VPS50: variants seen among roughly 807,000 people sequenced by gnomAD.
The protein encoded by VPS50 is syndetin.
In VPS50, 70 loss-of-function variants were observed where a neutral mutation model predicts 139.7. The observed-to-expected ratio is 0.50, with a 90% confidence interval of 0.41 to 0.61. The LOEUF (loss-of-function observed/expected upper bound fraction) is 0.61. Among genes scored for constraint, VPS50 ranks in the 20% least tolerant of loss-of-function variants. The pLI is 0.00. For synonymous variants in VPS50, 365 were observed against 376.7 expected (o/e 0.97, Z 0.36); for missense variants, 921 against 1,133.7 (o/e 0.81, Z 2.69).
At chr7:93,305,469 T>C (rs1039011718) in intron 17 of VPS50, among the ~76,000 whole-genome samples, 4 of 151,962 alleles carry the variant, frequency 2.6e-5, no homozygotes, top group African/African-American at 4.8e-5. Context: ...TTAGTTTTCA[T>C]AAATGACTTT....
At chr7:93,241,747 T>C (rs973376159) in intron 2 of VPS50, among the ~76,000 whole-genome samples, 5 of 152,012 alleles carry the variant, frequency 3.3e-5, no homozygotes, top group Non-Finnish European at 7.4e-5. Context: ...AAGACTCATA[T>C]TCAGAAATTC....
At chr7:93,346,183 A>G (rs1249650061) in intron 23 of VPS50, among the ~76,000 whole-genome samples, 1 of 151,972 alleles carries the variant, frequency 6.6e-6, no homozygotes, top group African/African-American at 2.4e-5. Flanking sequence ...ATACACCAAC[A>G]ACAGACAGAG....
intron 4 of VPS50, among the ~76,000 whole-genome samples, chr7:93,254,901 A>G (rs190572433): frequency 6.6e-6 from 1 of 152,270 alleles, no homozygotes; most frequent in African/African-American, 2.4e-5. Context: ...GCAACTGTCA[A>G]ACAAAGGAAG....
chr7:93,322,862 T>G (rs1797658365), intron 20 of VPS50, among the ~76,000 whole-genome samples: 1 of 152,168 alleles, frequency 6.6e-6, no homozygotes, highest in Non-Finnish European at 1.5e-5. Flanking sequence ...TCCAATACAT[T>G]AGCAAGTTTG....
At position 93,259,539 on chromosome 7, in the gene VPS50, GTTACCT is replaced by G; in HGVS notation, c.577-9_577-4del. ...TTCTATTCCAATGACTCCTGTTGTTGTTACCTTAAGGAGGAAGATTATCCAGGAGCT... is the reference window on the plus strand; with the variant it reads ...TTCTATTCCAATGACTCCTGTTGTTGTAAGGAGGAAGATTATCCAGGAGCT... On this transcript the variant is annotated splice_polypyrimidine_tract_variant and splice_region_variant and intron_variant, in intron 8 of 27. Transcript: ENST00000305866. 6.8e-7 allele frequency: 1 copy of G among 1,463,484 alleles called. No individual in the cohort carries two copies. The highest frequency in any genetic ancestry group is 9.5e-7 in the Non-Finnish European group (1 of 1,047,290). 90.7% of individuals were successfully genotyped at this position (1,463,484 alleles called of 1,614,324 possible).
At chr7:93,247,188 G>A (rs984406677) in intron 2 of VPS50, among the ~76,000 whole-genome samples, 1 of 151,648 alleles carries the variant, frequency 6.6e-6, no homozygotes, top group Non-Finnish European at 1.5e-5. Context: ...AATTCTGCTT[G>A]GTTTATTACA....
chr7:93,273,191 A>G (rs1796060760), intron 11 of VPS50: 2 of 152,142 alleles, frequency 1.3e-5, no homozygotes, highest in African/African-American at 2.4e-5. Flanking sequence ...TATTTATCAC[A>G]TATTTCAGAG....
At chr7:93,328,770 G>C (rs115008799) in intron 21 of VPS50, among the ~76,000 whole-genome samples, 1 of 152,210 alleles carries the variant, frequency 6.6e-6, no homozygotes, top group South Asian at 2.1e-4. Flanking sequence ...AGTGGAGCTA[G>C]AAAACTGGAA....
At chr7:93,246,346 AT>A (rs942151270) in intron 2 of VPS50, among the ~76,000 whole-genome samples, 1 of 151,880 alleles carries the variant, frequency 6.6e-6, no homozygotes, top group Non-Finnish European at 1.5e-5. Context: ...TAAGCACTAT[AT>A]TCTGCCACTG....
Position 93,233,736 on chromosome 7 carries a change from C to T in VPS50, c.33+1236C>T, listed in dbSNP as rs550205459. Among the ~76,000 whole-genome samples, 15 of 152,254 alleles carry T rather than the reference C, an allele frequency of 9.9e-5. No homozygotes were observed. The East Asian group carries it at 2.5e-3, about 25-fold the overall frequency. ...TTCTTACTTGACGATGAGTTTGGGTCCTGCTGTATCCTGTGGCAGCTGTGT... is the reference window on the plus strand; with the variant it reads ...TTCTTACTTGACGATGAGTTTGGGTTCTGCTGTATCCTGTGGCAGCTGTGT... On this transcript the variant is annotated intron_variant, in intron 1 of 27. Coordinates refer to ENST00000305866, the MANE Select transcript of VPS50 (RefSeq NM_017667.4).
chr7:93,307,080 T>A (rs1797137806), intron 18 of VPS50, among the ~76,000 whole-genome samples: 1 of 152,030 alleles, frequency 6.6e-6, no homozygotes, highest in Non-Finnish European at 1.5e-5. Context: ...AGCATTTGAT[T>A]CTCATTATTT....
intron 27 of VPS50, among the ~76,000 whole-genome samples, chr7:93,357,837 T>TA (rs1338608495): frequency 6.6e-6 from 1 of 152,196 alleles, no homozygotes; most frequent in Non-Finnish European, 1.5e-5. Context: ...TGATCCTTGT[T>TA]ACCTTATTCA....
intron 12 of VPS50, among the ~76,000 whole-genome samples, chr7:93,285,067 A>G (rs1422022060): frequency 4.6e-5 from 7 of 152,184 alleles, no homozygotes; most frequent in African/African-American, 1.7e-4. Flanking sequence ...TTCAGAAGCC[A>G]CTCAGATAAG....
At chr7:93,283,958 T>C (rs1281946909) in intron 12 of VPS50, among the ~76,000 whole-genome samples, 14 of 152,174 alleles carry the variant, frequency 9.2e-5, no homozygotes, top group Admixed American at 9.2e-4. Context: ...TGGGTAACCA[T>C]TTATCTGAGT....
At chr7:93,249,359 G>GA (rs983614841) in intron 2 of VPS50, among the ~76,000 whole-genome samples, 6 of 150,596 alleles carry the variant, frequency 4.0e-5, no homozygotes, top group Admixed American at 6.6e-5. Flanking sequence ...CTTTACAGGT[G>GA]AAAAAAAAAC....
In VPS50 at chr7:93,311,204, A is replaced by G; in HGVS notation, c.1787A>G (p.Asp596Gly). The change falls in exon 20 of 28, where the codon GAT becomes GGT. Residue 596 changes from aspartate to glycine, a missense_variant. Physicochemically the swap from Asp to Gly is moderately conservative, Grantham distance 94. Transcript: ENST00000305866. The stretch of plus-strand genomic sequence containing the variant: ...ACTCTAAAAAGCAGGAAGAAATCAG[A>G]TTACAGTCTAAATAAAGTGAATGCA... ...RETLKSRKKS[D>G]YSLNKVNAPI... 7.0e-7 allele frequency: 1 copy of G among 1,419,184 alleles called. No homozygotes were observed. The highest frequency in any genetic ancestry group is 1.0e-6 in the Non-Finnish European group (1 of 1,002,570). 87.9% of individuals were successfully genotyped at this position (1,419,184 alleles called of 1,614,324 possible).
At chr7:93,299,553 T>C (rs1327271943) in intron 16 of VPS50, among the ~76,000 whole-genome samples, 3 of 152,186 alleles carry the variant, frequency 2.0e-5, no homozygotes, top group Non-Finnish European at 4.4e-5. Context: ...ACCAAATTAT[T>C]CTGACTTTCA....
chr7:93,299,434 A>T (rs1353820785), intron 16 of VPS50, among the ~76,000 whole-genome samples: 2 of 152,192 alleles, frequency 1.3e-5, no homozygotes, highest in Non-Finnish European at 1.5e-5. Flanking sequence ...GGTGAAATAT[A>T]GATCAAGTAT....
chr7:93,310,202 G>A (rs915082362), intron 19 of VPS50, among the ~76,000 whole-genome samples: 2 of 151,888 alleles, frequency 1.3e-5, no homozygotes, highest in African/African-American at 4.8e-5. Flanking sequence ...TCCATTTTTG[G>A]TAGGGTTACT....
Sources: gnomAD v4.1 joint callset for allele counts (sites outside exome capture counted in the v4.1 genomes callset) on GRCh38, gnomAD v4.1.1 for gene constraint, MANE v1.5 for transcripts, NCBI Gene and HGNC (gene_info 2026-07-23, HGNC 2026-07-21) for gene names.